Variants in MAF observed in about 807,000 individuals in gnomAD.
MAF encodes the protein MAF bZIP transcription factor, also known as transcription factor Maf.
In MAF, 10 loss-of-function variants were observed where a neutral mutation model predicts 22.0. The ratio of observed to expected loss-of-function variants is 0.45; its 90% confidence interval spans 0.28 to 0.77. The LOEUF is 0.77. MAF is among the 30% of genes least tolerant of loss of function. MAF has a pLI of 0.12. For synonymous variants in MAF, 337 were observed against 255.8 expected, an observed-to-expected ratio of 1.32 and a Z score of -3.03; for missense variants, 544 against 548.4, an observed-to-expected ratio of 0.99 and a Z score of 0.08.
At chr16:79,367,088 A>C in the MAF span, among the ~76,000 whole-genome samples, 3 of 152,188 alleles carry the variant, frequency 2.0e-5, no homozygotes, top group Admixed American at 2.0e-4. Context: ...TTTGTTTTTC[A>C]CGGCACTTTG....
At chr16:79,431,290 C>T in the MAF span, among the ~76,000 whole-genome samples, 4 of 152,278 alleles carry the variant, frequency 2.6e-5, no homozygotes, top group African/African-American at 9.6e-5. Context: ...ACTTAGGCTG[C>T]TGAGGACAGA....
chr16:79,339,424 C>A, the MAF span, among the ~76,000 whole-genome samples: 3 of 152,256 alleles, frequency 2.0e-5, no homozygotes, highest in Admixed American at 6.5e-5. Context: ...TGGCTGGGTG[C>A]AGATGCCATT....
downstream of MAF, among the ~76,000 whole-genome samples, chr16:79,592,988 A>G (rs1307244328): frequency 6.6e-6 from 1 of 152,206 alleles, no homozygotes; most frequent in African/African-American, 2.4e-5. Context: ...TTTTACCGGC[A>G]TGGAAATCAG....
the MAF span, among the ~76,000 whole-genome samples, chr16:79,323,065 G>C: frequency 6.8e-6 from 1 of 146,298 alleles, no homozygotes; most frequent in African/African-American, 2.5e-5. Flanking sequence ...CAGGAGAATG[G>C]TGTGAACCTG....
At chr16:79,289,867 T>TTCTTTTTTTTTTC in the MAF span, among the ~76,000 whole-genome samples, 1 of 118,534 alleles carries the variant, frequency 8.4e-6, no homozygotes, top group African/African-American at 3.2e-5. Context: ...TTTTTTTTTT[T>TTCTTTTTTTTTTC]TGTGAGACGG....
At chr16:79,350,680 C>T in the MAF span, among the ~76,000 whole-genome samples, 1 of 152,172 alleles carries the variant, frequency 6.6e-6, no homozygotes, top group African/African-American at 2.4e-5. Flanking sequence ...GGCAGAGCCA[C>T]AAGATAGAAG....
At chr16:79,564,010 G>A in the MAF span, among the ~76,000 whole-genome samples, 2 of 152,278 alleles carry the variant, frequency 1.3e-5, no homozygotes, top group African/African-American at 4.8e-5. Flanking sequence ...ATAATTCCAC[G>A]TATTTCAAAG....
chr16:79,211,811 G>C, the MAF span: 12 of 1,613,778 alleles, frequency 7.4e-6, no homozygotes, highest in East Asian at 6.7e-5. Flanking sequence ...AGCTCAGAGC[G>C]GATGGGCACA....
chr16:79,455,926 G>A, the MAF span, among the ~76,000 whole-genome samples: 1 of 152,098 alleles, frequency 6.6e-6, no homozygotes, highest in Non-Finnish European at 1.5e-5. Context: ...ACTGAGACGG[G>A]AGAATTGCTT....
At chr16:79,486,926 G>C in the MAF span, among the ~76,000 whole-genome samples, 1 of 152,058 alleles carries the variant, frequency 6.6e-6, no homozygotes, top group African/African-American at 2.4e-5. Flanking sequence ...GGTGGATTTT[G>C]AGTAGACTAG....
At chr16:79,437,285 C>T in the MAF span, among the ~76,000 whole-genome samples, 1 of 152,210 alleles carries the variant, frequency 6.6e-6, no homozygotes, top group African/African-American at 2.4e-5. Context: ...AGCTCTCCTT[C>T]GTGCAAATTA....
chr16:79,564,021 G>C, the MAF span, among the ~76,000 whole-genome samples: 1 of 152,106 alleles, frequency 6.6e-6, no homozygotes, highest in African/African-American at 2.4e-5. Context: ...TATTTCAAAG[G>C]AAAAAAGAGA....
At chr16:79,539,135 G>C in the MAF span, among the ~76,000 whole-genome samples, 1 of 152,162 alleles carries the variant, frequency 6.6e-6, no homozygotes, top group Non-Finnish European at 1.5e-5. Context: ...AGTGAAACTG[G>C]GTATCTCCTG....
At chr16:79,503,067 TG>T in the MAF span, among the ~76,000 whole-genome samples, 2 of 152,040 alleles carry the variant, frequency 1.3e-5, no homozygotes, top group African/African-American at 2.4e-5. Context: ...CAGGAGAGCC[TG>T]GGGGTTCAAA....
the MAF span, among the ~76,000 whole-genome samples, chr16:79,208,444 ATTAT>A: frequency 6.6e-6 from 1 of 152,046 alleles, no homozygotes; most frequent in Non-Finnish European, 1.5e-5. Flanking sequence ...TCAAGGTATT[ATTAT>A]TTATCACAAT....
the MAF span, among the ~76,000 whole-genome samples, chr16:79,317,092 T>TCCTC: frequency 3.9e-5 from 6 of 152,046 alleles, no homozygotes; most frequent in South Asian, 1.3e-3. Flanking sequence ...TCTCCCTCCT[T>TCCTC]CCTCCCTCAC....
At chr16:79,434,021 G>A in the MAF span, among the ~76,000 whole-genome samples, 1 of 152,074 alleles carries the variant, frequency 6.6e-6, no homozygotes, top group Non-Finnish European at 1.5e-5. Flanking sequence ...GCATCCTCAG[G>A]GCAAGGTAGT....
downstream of MAF, among the ~76,000 whole-genome samples, chr16:79,585,220 C>G (rs918845777): frequency 3.3e-5 from 5 of 152,086 alleles, no homozygotes; most frequent in African/African-American, 1.2e-4. Context: ...ATTGAAAACC[C>G]ATTTAAATAG....
At chr16:79,576,289 A>C in the MAF span, among the ~76,000 whole-genome samples, 1 of 151,220 alleles carries the variant, frequency 6.6e-6, no homozygotes, top group African/African-American at 2.4e-5. Flanking sequence ...CCATTTTTCA[A>C]AAGTGCCCCA....
Sources: allele counts gnomAD v4.1 joint callset (sites outside exome capture counted in the v4.1 genomes callset), GRCh38; gene constraint gnomAD v4.1.1; transcripts MANE v1.5; gene names NCBI Gene and HGNC (gene_info 2026-07-23, HGNC 2026-07-21).